KLC1: variants seen among roughly 807,000 people sequenced by gnomAD.
KLC1 encodes kinesin light chain 1.
In KLC1, 30 loss-of-function variants were observed where a neutral mutation model predicts 84.2. The ratio of observed to expected loss-of-function variants is 0.36; its 90% CI spans 0.27 to 0.48. KLC1 has a LOEUF of 0.48. Among genes scored for constraint, KLC1 ranks in the 20% least tolerant of loss-of-function variants. The pLI, the probability that KLC1 is intolerant of heterozygous loss-of-function variation, is 0.99. For missense variants in KLC1, 499 were observed against 805.4 expected (o/e 0.62, Z 4.60); for synonymous variants, 289 against 293.3 (o/e 0.99, Z 0.15).
intron 3 of KLC1, among the ~76,000 whole-genome samples, chr14:103,661,348 C>T (rs1469578532): frequency 6.6e-6 from 1 of 152,200 alleles, no homozygotes; most frequent in Non-Finnish European, 1.5e-5. Flanking sequence ...AATGGGGTCT[C>T]TGTCTCTGGT....
At chr14:103,639,021 T>C (rs1196580329) in intron 1 of KLC1, among the ~76,000 whole-genome samples, 2 of 152,186 alleles carry the variant, frequency 1.3e-5, no homozygotes, top group East Asian at 3.8e-4. Context: ...AATCACTTCA[T>C]GTATCCCAGT....
intron 15 of KLC1, chr14:103,698,676 TG>T: frequency 2.2e-6 from 2 of 889,196 alleles, no homozygotes; most frequent in Non-Finnish European, 3.6e-6. Flanking sequence ...GCCGCTGCCC[TG>T]GAAGAGCTGT....
At position 103,687,210 on chromosome 14, in the gene KLC1, G is replaced by A. The variant is rs1010477280; in HGVS notation, c.1780G>A (p.Gly594Ser). 3.2e-6 allele frequency: 5 copies of A among 1,541,878 alleles called. No individual in the cohort carries two copies. Among genetic ancestry groups the A allele is most frequent in the Non-Finnish European group, 4.4e-6 (5 of 1,140,842 alleles). The change falls in exon 14 of 17, where the codon GGC (glycine) becomes AGC (serine). Residue 594 changes from glycine (G) to serine (S), a missense_variant and splice_region_variant. By Grantham distance (56) the Gly-to-Ser change is moderately conservative. Transcript: ENST00000334553. ...SSRESEPKNPGMKRASSLNVL... is the reference protein window; with the variant it reads ...SSRESEPKNPSMKRASSLNVL... Reference sequence around the variant, plus strand: ...ACGAGAGAGTGAGCCAAAGAACCCCGGGTAACTATCTCTTCCAGCTCTCCC... The same window carrying A: ...ACGAGAGAGTGAGCCAAAGAACCCCAGGTAACTATCTCTTCCAGCTCTCCC...
At chr14:103,633,219 G>T (rs866514359) in intron 1 of KLC1, among the ~76,000 whole-genome samples, 1 of 151,962 alleles carries the variant, frequency 6.6e-6, no homozygotes, top group East Asian at 1.9e-4. Context: ...CACCACATCC[G>T]GCTAATTTTT....
At chr14:103,691,130 C>G (rs1353917842) in intron 14 of KLC1, among the ~76,000 whole-genome samples, 1 of 150,136 alleles carries the variant, frequency 6.7e-6, no homozygotes, top group African/African-American at 2.4e-5. Context: ...GGCAGAGCCT[C>G]TCTGCTCCCA....
chr14:103,664,207 A>G (rs892751579), intron 5 of KLC1, among the ~76,000 whole-genome samples: 21 of 152,052 alleles, frequency 1.4e-4, no homozygotes, highest in Non-Finnish European at 4.4e-5. Context: ...GCTGGAGTGC[A>G]GTGGTGCAAT....
intron 3 of KLC1, among the ~76,000 whole-genome samples, chr14:103,658,230 G>T (rs775175503): frequency 2.0e-5 from 3 of 152,184 alleles, no homozygotes; most frequent in Middle Eastern, 3.4e-3. Flanking sequence ...TTATCTTTCT[G>T]TATCTGCAGG....
intron 15 of KLC1, chr14:103,698,993 T>C (rs370905714): frequency 1.2e-5 from 19 of 1,595,298 alleles, no homozygotes; most frequent in Non-Finnish European, 1.6e-5. Flanking sequence ...TGCCAAGGGC[T>C]GGGGAAACAC....
chr14:103,662,910 C>T lies in KLC1; in HGVS notation c.780C>T (p.Ile260=). The T allele has an allele frequency of 1.2e-6, 2 of 1,612,058 alleles. No individual in the cohort carries two copies. The highest frequency in any genetic ancestry group is 2.2e-5 in the East Asian group (1 of 44,866). Residue 260 remains isoleucine, a synonymous_variant, in exon 5 of 17, where the codon ATC becomes ATT. Transcript: ENST00000334553. ...CGGACGTGGCCACCATGCTCAACAT[C>T]CTGGCCTTGGTGTACAGGCTAGTCA... ...DHPDVATMLN[I]LALVYRDQNK... is the part of the protein sequence containing the mutation.
intron 1 of KLC1, among the ~76,000 whole-genome samples, chr14:103,641,377 A>G (rs931679505): frequency 6.6e-6 from 1 of 151,976 alleles, no homozygotes; most frequent in African/African-American, 2.4e-5. Context: ...TCCTTGCATT[A>G]GAGGACTGTC....
rs149055566 is a variant in KLC1 at position 103,695,407 on chromosome 14, AC to A, written c.1848+2990del. The A allele has an allele frequency of 4.5e-3, 4,391 of 979,310 alleles. 131 individuals carry two copies. In the African/African-American group the frequency reaches 0.063, roughly 14 times the overall value. 60.7% of individuals were successfully genotyped at this position (979,310 alleles called of 1,614,324 possible). Reference sequence around the variant, plus strand: ...TAATTTGATGGGTTGTGAGAAGCCAACCCCCCCCAAAAAAAGGGGGGTGTAG... The same window carrying A: ...TAATTTGATGGGTTGTGAGAAGCCAACCCCCCCAAAAAAAGGGGGGTGTAG... On this transcript the variant is annotated intron_variant, in intron 15 of 16. Transcript: ENST00000334553.
intron 1 of KLC1, among the ~76,000 whole-genome samples, chr14:103,635,683 G>A (rs1466103238): frequency 6.6e-6 from 1 of 152,204 alleles, no homozygotes; most frequent in Middle Eastern, 3.4e-3. Flanking sequence ...GAACCCGGGA[G>A]GCGGAGGTTG....
At chr14:103,680,171 G>T (rs1431359858) in intron 13 of KLC1, among the ~76,000 whole-genome samples, 1 of 152,188 alleles carries the variant, frequency 6.6e-6, no homozygotes, top group African/African-American at 2.4e-5. Flanking sequence ...GGTTTTACTG[G>T]TTTGCCCCTG....
At chr14:103,661,823 C>T (rs947840635) in intron 3 of KLC1, among the ~76,000 whole-genome samples, 1 of 152,108 alleles carries the variant, frequency 6.6e-6, no homozygotes, top group African/African-American at 2.4e-5. Flanking sequence ...TCCCTGCTCT[C>T]CTAGACCTCC....
intron 7 of KLC1, among the ~76,000 whole-genome samples, chr14:103,671,590 A>G (rs1284702742): frequency 6.6e-6 from 1 of 152,146 alleles, no homozygotes; most frequent in Non-Finnish European, 1.5e-5. Context: ...AGGCTGGCCA[A>G]GAACTCCTGA....
intron 1 of KLC1, among the ~76,000 whole-genome samples, chr14:103,632,096 A>G (rs2076731269): frequency 6.6e-6 from 1 of 152,156 alleles, no homozygotes; most frequent in African/African-American, 2.4e-5. Context: ...CGATACCTTG[A>G]TAAAAGAGCC....
chr14:103,676,058 C>T (rs768894888), intron 11 of KLC1, among the ~76,000 whole-genome samples: 13 of 152,198 alleles, frequency 8.5e-5, no homozygotes, highest in Non-Finnish European at 1.6e-4. Flanking sequence ...CCTGGGAAAG[C>T]CAGCCCCTCA....
At chr14:103,632,040 T>C (rs901384628) in intron 1 of KLC1, among the ~76,000 whole-genome samples, 4 of 152,194 alleles carry the variant, frequency 2.6e-5, no homozygotes, top group Non-Finnish European at 5.9e-5. Flanking sequence ...GTCTTAAATG[T>C]CTGTTGGGAA....
chr14:103,697,114 G>A (rs756081750), intron 15 of KLC1: 63 of 985,038 alleles, frequency 6.4e-5, no homozygotes, highest in Non-Finnish European at 7.4e-5. Context: ...AATTGCTTAT[G>A]TTCAATTACA....
Sources: allele counts gnomAD v4.1 joint callset (sites outside exome capture counted in the v4.1 genomes callset), GRCh38; gene constraint gnomAD v4.1.1; transcripts MANE v1.5; gene names NCBI Gene and HGNC (gene_info 2026-07-23, HGNC 2026-07-21).